Variants in ST6GALNAC3 observed in about 807,000 individuals in gnomAD.
ST6GALNAC3 encodes the protein alpha-N-acetylgalactosaminide alpha-2,6-sialyltransferase 3.
ST6GALNAC3 carries 25 observed loss-of-function variants against 32.7 expected under a neutral mutation model. The observed-to-expected ratio is 0.76, with a 90% CI of 0.56 to 1.07. The LOEUF (loss-of-function observed/expected upper bound fraction) is 1.07, where lower values mean the gene tolerates loss of function less well. Ranked by LOEUF, ST6GALNAC3 falls within the 50% of genes least tolerant of loss-of-function variation. The pLI is 0.00. For missense variants in ST6GALNAC3, 355 were observed against 382.4 expected, an observed-to-expected ratio of 0.93 and a Z score of 0.60; for synonymous variants, 129 against 133.1, an observed-to-expected ratio of 0.97 and a Z score of 0.21.
intron 2 of ST6GALNAC3, among the ~76,000 whole-genome samples, chr1:76,352,497 CTTTTTT>C (rs397706056): frequency 0.013 from 1,484 of 116,208 alleles, 34 homozygotes; most frequent in African/African-American, 0.043. Context: ...TTTTGGTTTC[CTTTTTT>C]TTTTTTTTTT....
intron 2 of ST6GALNAC3, among the ~76,000 whole-genome samples, chr1:76,381,314 G>A (rs1651699196): frequency 6.6e-6 from 1 of 152,096 alleles, no homozygotes; most frequent in Non-Finnish European, 1.5e-5. Flanking sequence ...GCTTTGCCAG[G>A]GGCAAGTGTT....
At chr1:76,624,890 A>C (rs1050376065) in intron 3 of ST6GALNAC3, among the ~76,000 whole-genome samples, 27 of 151,958 alleles carry the variant, frequency 1.8e-4, no homozygotes, top group Non-Finnish European at 2.5e-4. Flanking sequence ...GGAGCATGAA[A>C]TGTGATCTGA....
At chr1:76,517,676 T>G (rs1557517456) in intron 3 of ST6GALNAC3, among the ~76,000 whole-genome samples, 1 of 152,014 alleles carries the variant, frequency 6.6e-6, no homozygotes, top group African/African-American at 2.4e-5. Context: ...TTTTTGCTAT[T>G]AATTGGTACA....
intron 1 of ST6GALNAC3, among the ~76,000 whole-genome samples, chr1:76,245,525 G>T (rs1011304431): frequency 6.6e-6 from 1 of 152,006 alleles, no homozygotes; most frequent in Non-Finnish European, 1.5e-5. Flanking sequence ...TGATGTTAGG[G>T]TATAGCTTTG....
chr1:76,379,512 T>C (rs1187718743), intron 2 of ST6GALNAC3, among the ~76,000 whole-genome samples: 3 of 152,148 alleles, frequency 2.0e-5, no homozygotes, highest in Non-Finnish European at 4.4e-5. Context: ...CCTGTCAAAC[T>C]CTGGCCAAGT....
intron 3 of ST6GALNAC3, among the ~76,000 whole-genome samples, chr1:76,565,537 G>A (rs556122045): frequency 7.2e-5 from 11 of 152,188 alleles, no homozygotes; most frequent in Admixed American, 5.2e-4. Flanking sequence ...CCTTCTTACT[G>A]GGTCACTAAG....
intron 1 of ST6GALNAC3, among the ~76,000 whole-genome samples, chr1:76,253,738 A>G (rs1408507539): frequency 1.3e-5 from 2 of 152,172 alleles, no homozygotes; most frequent in African/African-American, 4.8e-5. Flanking sequence ...AGGCAGGAAA[A>G]CTAGGCAACC....
At chr1:76,425,754 C>A (rs1409073525) in intron 3 of ST6GALNAC3, among the ~76,000 whole-genome samples, 1 of 151,846 alleles carries the variant, frequency 6.6e-6, no homozygotes. Flanking sequence ...AATGTCTTGA[C>A]CACAAGGATA....
chr1:76,405,714 G>A (rs1030427798), intron 2 of ST6GALNAC3, among the ~76,000 whole-genome samples: 12 of 151,890 alleles, frequency 7.9e-5, no homozygotes, highest in African/African-American at 2.9e-4. Flanking sequence ...GTCAACGAGA[G>A]GTGAAACTTG....
At chr1:76,596,046 C>T (rs1418789891) in intron 3 of ST6GALNAC3, among the ~76,000 whole-genome samples, 1 of 152,104 alleles carries the variant, frequency 6.6e-6, no homozygotes, top group East Asian at 1.9e-4. Flanking sequence ...CCCCAGGTGA[C>T]TATAATGCGC....
intron 3 of ST6GALNAC3, among the ~76,000 whole-genome samples, chr1:76,436,344 C>T (rs1364960573): frequency 6.6e-6 from 1 of 152,006 alleles, no homozygotes; most frequent in Non-Finnish European, 1.5e-5. Context: ...TAGGAAACTG[C>T]TGGTCATTAA....
chr1:76,079,165 C>T (rs1202683398), intron 1 of ST6GALNAC3, among the ~76,000 whole-genome samples: 1 of 152,088 alleles, frequency 6.6e-6, no homozygotes, highest in Non-Finnish European at 1.5e-5. Flanking sequence ...TTCAGCAGCT[C>T]CAGGAGACAG....
chr1:76,536,473 C>CAGATCTCATG (rs1281029644), intron 3 of ST6GALNAC3, among the ~76,000 whole-genome samples: 1 of 152,108 alleles, frequency 6.6e-6, no homozygotes, highest in East Asian at 1.9e-4. Context: ...ATAAAACCAT[C>CAGATCTCATG]AGATCTCATG....
intron 2 of ST6GALNAC3, among the ~76,000 whole-genome samples, chr1:76,392,632 C>T (rs987906496): frequency 6.6e-6 from 1 of 152,096 alleles, no homozygotes; most frequent in African/African-American, 2.4e-5. Flanking sequence ...TGGGATTAAT[C>T]AGCCTGGGAC....
At chr1:76,130,579 C>T (rs74092521) in intron 1 of ST6GALNAC3, among the ~76,000 whole-genome samples, 2,461 of 152,286 alleles carry the variant, frequency 0.016, 73 homozygotes, top group African/African-American at 0.056. Flanking sequence ...GGGTCCTGGC[C>T]TGGCTCAGTC....
chr1:76,279,874 C>T (rs1054317443), intron 1 of ST6GALNAC3, among the ~76,000 whole-genome samples: 7 of 152,092 alleles, frequency 4.6e-5, no homozygotes, highest in African/African-American at 1.7e-4. Context: ...TGAGAAACAG[C>T]GCACAGATAT....
chr1:76,562,213 C>G (rs983703830), intron 3 of ST6GALNAC3, among the ~76,000 whole-genome samples: 14 of 152,038 alleles, frequency 9.2e-5, no homozygotes, highest in African/African-American at 3.1e-4. Context: ...TAACAAAATG[C>G]ACTGAACTCA....
chr1:76,411,057 T>C (rs1055215574), intron 2 of ST6GALNAC3, among the ~76,000 whole-genome samples: 2 of 152,112 alleles, frequency 1.3e-5, no homozygotes, highest in African/African-American at 2.4e-5. Flanking sequence ...ATGAGAAAGA[T>C]GTATATCAAA....
intron 3 of ST6GALNAC3, among the ~76,000 whole-genome samples, chr1:76,560,239 G>C (rs1321937086): frequency 6.6e-6 from 1 of 152,000 alleles, no homozygotes. Flanking sequence ...ACCACTACAG[G>C]AAACATTGGA....
Sources: gnomAD v4.1 joint callset for allele counts (sites outside exome capture counted in the v4.1 genomes callset) on GRCh38, gnomAD v4.1.1 for gene constraint, MANE v1.5 for transcripts, NCBI Gene and HGNC (gene_info 2026-07-23, HGNC 2026-07-21) for gene names.